TMEM33: variants seen among roughly 807,000 people sequenced by gnomAD.
TMEM33 encodes the protein transmembrane protein 33.
Under a neutral mutation model 29.7 loss-of-function variants are expected in TMEM33, and 16 were observed. That is an observed-to-expected ratio of 0.54 (90% CI 0.36 to 0.82). The LOEUF (loss-of-function observed/expected upper bound fraction) is 0.82. TMEM33 is among the 40% of genes least tolerant of loss of function. TMEM33 has a pLI of 0.00. For synonymous variants in TMEM33, 112 were observed against 109.4 expected (o/e 1.02, Z -0.15); for missense variants, 252 against 295.3 (o/e 0.85, Z 1.08).
intron 5 of TMEM33, among the ~76,000 whole-genome samples, chr4:41,946,968 G>A (rs1427740212): frequency 6.6e-6 from 1 of 152,124 alleles, no homozygotes; most frequent in African/African-American, 2.4e-5. Context: ...CGAGCACGGT[G>A]GCTCACAGCC....
chr4:41,953,473 A>C (rs1713130841), intron 6 of TMEM33, among the ~76,000 whole-genome samples: 1 of 152,194 alleles, frequency 6.6e-6, no homozygotes, highest in South Asian at 2.1e-4. Context: ...TTTCTTCAGG[A>C]ACTTTTCCTT....
Position 41,939,173 on chromosome 4 carries a change from A to T in TMEM33, c.141-23A>T, listed in dbSNP as rs373111704. The T allele has an allele frequency of 8.2e-5, 128 of 1,569,144 alleles. 3 individuals are homozygous for T. The South Asian group carries it at 1.1e-3, about 14-fold the overall frequency. ...CTGCAGTTGTTTATGTCTCATGATAACCTCTCCTCTGGTAATTTGCAGGTT... is the reference window on the plus strand; with the variant it reads ...CTGCAGTTGTTTATGTCTCATGATATCCTCTCCTCTGGTAATTTGCAGGTT... On this transcript the variant is annotated intron_variant, in intron 2 of 6. Transcript: ENST00000504986.
At chr4:41,953,869 A>G (rs571749326) in intron 6 of TMEM33, 17 of 629,504 alleles carry the variant, frequency 2.7e-5, no homozygotes, top group African/African-American at 2.2e-4. Context: ...GAAATAGTGG[A>G]AGAATTGGCA....
chr4:41,943,693 G>C, intron 3 of TMEM33, 54 bp from the exon 4 acceptor site: 10 of 1,515,954 alleles, frequency 6.6e-6, no homozygotes, highest in Non-Finnish European at 9.2e-6. Context: ...TACATAGTCT[G>C]TTTTGCAGAA....
At chr4:41,939,161 T>C (rs1291684227) in intron 2 of TMEM33, 35 bp from the exon 3 acceptor site, 4 of 1,551,770 alleles carry the variant, frequency 2.6e-6, no homozygotes, top group African/African-American at 1.4e-5. Context: ...CAGTTGTTTA[T>C]GTCTCATGAT....
At chr4:41,935,385 G>T (rs995743392), upstream of TMEM33, 22 of 1,311,228 alleles carry the variant, frequency 1.7e-5, no homozygotes. Context: ...GCGCGAGGCA[G>T]GGAAGCCGGT....
chr4:41,939,879 G>A (rs1026158953), intron 3 of TMEM33: 12 of 427,728 alleles, frequency 2.8e-5, no homozygotes, highest in Middle Eastern at 4.1e-4. Flanking sequence ...GTATAGAGTA[G>A]AAAATAAGGA....
intron 3 of TMEM33, 104 bp downstream of exon 3, chr4:41,939,487 T>C: frequency 8.5e-7 from 1 of 1,174,056 alleles, no homozygotes; most frequent in Non-Finnish European, 1.2e-6. Context: ...CCTGGGTTTG[T>C]TCTCGGCACT....
At chr4:41,945,505 T>G (rs1186690799) in intron 5 of TMEM33, among the ~76,000 whole-genome samples, 1 of 152,194 alleles carries the variant, frequency 6.6e-6, no homozygotes, top group African/African-American at 2.4e-5. Flanking sequence ...TAAAATAGCA[T>G]TTGACTATAT....
intron 1 of TMEM33, among the ~76,000 whole-genome samples, chr4:41,936,467 C>G (rs1212649721): frequency 6.6e-6 from 1 of 152,168 alleles, no homozygotes; most frequent in Non-Finnish European, 1.5e-5. Flanking sequence ...CGCTTGCGCC[C>G]GAGAAGTTGA....
Position 41,947,201 on chromosome 4 carries a change from G to A in TMEM33, c.531-2101G>A, listed in dbSNP as rs187811083. On this transcript the variant is annotated intron_variant, in intron 5 of 6. Transcript: ENST00000504986. ...CAGTGAGCCGAGATCGTGCCACTGC[G>A]CTCCAGCCTGGCGACAGACCAAGAC... 5.2e-4 allele frequency among the ~76,000 whole-genome samples: 78 copies of A among 149,956 alleles called. 1 individual carries two copies. The highest frequency in any genetic ancestry group is 1.5e-3 in the African/African-American group (62 of 40,700).
chr4:41,951,407 A>G (rs1408758562), intron 6 of TMEM33, among the ~76,000 whole-genome samples: 1 of 152,208 alleles, frequency 6.6e-6, no homozygotes, highest in Non-Finnish European at 1.5e-5. Flanking sequence ...CCTTCAGCAC[A>G]GATATGCAAA....
At chr4:41,952,237 C>G (rs1275727832) in intron 6 of TMEM33, among the ~76,000 whole-genome samples, 1 of 152,140 alleles carries the variant, frequency 6.6e-6, no homozygotes, top group Non-Finnish European at 1.5e-5. Context: ...ACAGGAAGGG[C>G]AGGTTTTGGA....
chr4:41,954,715 C>G lies in TMEM33; in HGVS notation c.*516C>G, dbSNP rs1261047805. The stretch of plus-strand genomic sequence containing the variant: ...TTGGTTTTATGCTGCTTTGTTAGGA[C>G]AGATGTGTTTTGAATGTACCATTAT... On this transcript the variant is annotated 3_prime_UTR_variant, in exon 7 of 7. Transcript: ENST00000504986. The G allele has an allele frequency of 6.6e-6, 1 of 152,660 alleles. No individual in the cohort carries two copies. The highest frequency in any genetic ancestry group is 1.5e-5 in the Non-Finnish European group (1 of 68,118). The allele number at this position is 152,660 out of a possible 1,614,324, so 9.5% of individuals were successfully genotyped here.
intron 3 of TMEM33, among the ~76,000 whole-genome samples, chr4:41,940,138 G>A (rs558861768): frequency 2.5e-4 from 37 of 149,088 alleles, no homozygotes; most frequent in African/African-American, 8.1e-4. Context: ...GATTATAGGC[G>A]TGAGCCATCA....
At chr4:41,944,960 A>G in intron 5 of TMEM33, 34 bp downstream of exon 5, 1 of 1,604,040 alleles carries the variant, frequency 6.2e-7, no homozygotes, top group Non-Finnish European at 8.5e-7. Flanking sequence ...TGGGAGGCTG[A>G]TGACTGAACG....
At position 41,954,157 on chromosome 4, in the gene TMEM33, G is replaced by C. The variant is rs778038102; in HGVS notation, c.702G>C (p.Gln234His). 2.5e-6 allele frequency: 4 copies of C among 1,613,936 alleles called. No individual in the cohort carries two copies. The highest frequency in any genetic ancestry group is 3.4e-6 in the Non-Finnish European group (4 of 1,179,842). ...CPLFVRRLCLQSIAFISRLAP... is the reference protein window; with the variant it reads ...CPLFVRRLCLHSIAFISRLAP... ...TGTTTGTGAGAAGACTTTGTCTCCAGAGCATTGCCTTTATAAGCAGATTGG... is the reference window on the plus strand; with the variant it reads ...TGTTTGTGAGAAGACTTTGTCTCCACAGCATTGCCTTTATAAGCAGATTGG... The change falls in exon 7 of 7, where the codon CAG (glutamine) becomes CAC (histidine). Residue 234 changes from glutamine (Q) to histidine (H), a missense_variant. Transcript: ENST00000504986.
intron 3 of TMEM33, 25 bp downstream of exon 3, chr4:41,939,408 A>T: frequency 6.2e-7 from 1 of 1,604,762 alleles, no homozygotes; most frequent in Non-Finnish European, 8.5e-7. Flanking sequence ...CTTGTTAACA[A>T]TGAAATTGCC....
rs1250164641 is a variant in TMEM33 at position 41,960,331 on chromosome 4, A to G, written c.*6132A>G. The G allele has an allele frequency of 1.3e-5, 2 of 152,166 alleles. No individual in the cohort carries two copies. The highest frequency in any genetic ancestry group is 4.8e-5 in the African/African-American group (2 of 41,456). The allele number at this position is 152,166 out of a possible 1,614,324, so 9.4% of individuals were successfully genotyped here. ...TTGTGTTCTGCTTAAATCAGCAAGA[A>G]TGATAAATTTGATGGTGTGAAATTG... On this transcript the variant is annotated 3_prime_UTR_variant, in exon 7 of 7. Coordinates refer to ENST00000504986, the MANE Select transcript of TMEM33 (RefSeq NM_018126.3).
Sources: allele counts gnomAD v4.1 joint callset (sites outside exome capture counted in the v4.1 genomes callset), GRCh38; gene constraint gnomAD v4.1.1; transcripts MANE v1.5; gene names NCBI Gene and HGNC (gene_info 2026-07-23, HGNC 2026-07-21).